DCDC2: variants seen among roughly 807,000 people sequenced by gnomAD.
DCDC2 encodes the protein doublecortin domain-containing protein 2.
In DCDC2, 40 loss-of-function variants were observed where a neutral mutation model predicts 50.2. The observed-to-expected ratio is 0.80, with a 90% CI of 0.62 to 1.04. DCDC2 has a LOEUF of 1.04. Ranked by LOEUF, DCDC2 falls within the 50% of genes least tolerant of loss-of-function variation. The pLI is 0.00. For missense variants in DCDC2, 570 were observed against 581.9 expected (o/e 0.98, Z 0.21); for synonymous variants, 234 against 210.6 (o/e 1.11, Z -0.96).
At chr6:24,200,731 G>A (rs546901113) in intron 8 of DCDC2, among the ~76,000 whole-genome samples, 15 of 152,028 alleles carry the variant, frequency 9.9e-5, no homozygotes, top group East Asian at 1.9e-4. Context: ...AAGACCCATC[G>A]GTGTGCTGTA....
rs200975214 is a variant in DCDC2 at position 24,205,613 on chromosome 6, T to C, written c.923-511A>G. 5.3e-5 allele frequency among the ~76,000 whole-genome samples: 8 copies of C among 152,292 alleles called. No individual in the cohort carries two copies. In the East Asian group the frequency reaches 1.3e-3, roughly 26 times the overall value. ...CAAATCATAGAGTTGACTTTCCATA[T>C]CTCACCAAAAAATCAGTATCATTTA... is the stretch of plus-strand genomic sequence containing the variant. On this transcript the variant is annotated intron_variant, in intron 7 of 9. Transcript: ENST00000378454.
At chr6:24,310,892 A>C (rs1759559611) in intron 2 of DCDC2, among the ~76,000 whole-genome samples, 1 of 151,900 alleles carries the variant, frequency 6.6e-6, no homozygotes, top group Non-Finnish European at 1.5e-5. Flanking sequence ...AGCTCTCCCC[A>C]CTCAAAATTA....
In DCDC2 at chr6:24,357,577, G is replaced by C. The variant is rs776221806; in HGVS notation, c.174C>G (p.Pro58=). The change falls in exon 1 of 10, where the codon CCC becomes CCG. Residue 58 remains proline, a synonymous_variant. Transcript: ENST00000378454. ...LKEVTGGVQA[P]FGAVRNIYTP... ...TGTAGATGTTCCTGACGGCCCCAAA[G>C]GGTGCCTGAACGCCGCCGGTCACCT... The C allele has an allele frequency of 1.9e-6, 3 of 1,613,338 alleles. No individual in the cohort carries two copies. The highest frequency in any genetic ancestry group is 2.5e-6 in the Non-Finnish European group (3 of 1,179,996).
rs793856 is a variant in DCDC2, at chr6:24,203,823, C to A, written c.1023+1179G>T. 7.7e-3 allele frequency among the ~76,000 whole-genome samples: 1,174 copies of A among 152,146 alleles called. 14 individuals carry two copies. The highest frequency in any genetic ancestry group is 0.026 in the African/African-American group (1,064 of 41,512). On this transcript the variant is annotated intron_variant, in intron 8 of 9. Coordinates refer to ENST00000378454, the MANE Select transcript of DCDC2 (RefSeq NM_016356.5). ...ACAAACAAACCCATCAAAAAGTGGGCAAAGGATATGAGCAGACACTTCTCA... is the reference window on the plus strand; with the variant it reads ...ACAAACAAACCCATCAAAAAGTGGGAAAAGGATATGAGCAGACACTTCTCA...
upstream of DCDC2, among the ~76,000 whole-genome samples, chr6:24,359,471 A>ATGTATATTTATATATACTATATAG (rs1760615418): frequency 1.5e-4 from 1 of 6,812 alleles, no homozygotes; most frequent in African/African-American, 3.3e-4. Flanking sequence ...ATACTATATA[A>ATGTATATTTATATATACTATATAG]TATATATTTT....
chr6:24,183,624 T>C (rs1426166402), intron 8 of DCDC2, among the ~76,000 whole-genome samples: 3 of 152,104 alleles, frequency 2.0e-5, no homozygotes, highest in Non-Finnish European at 2.9e-5. Flanking sequence ...ATAACATACA[T>C]GGTCATTGTG....
chr6:24,219,115 G>A lies in DCDC2; in HGVS notation c.923-14013C>T, dbSNP rs1244790996. ...GTGCAGTTGAATTAACTTTTATTTT[G>A]TTGTTATATTTTATATACTTCCAGA... On this transcript the variant is annotated intron_variant, in intron 7 of 9. Transcript: ENST00000378454. Among the ~76,000 whole-genome samples the A allele has an allele frequency of 2.0e-5, 3 of 151,958 alleles. No individual in the cohort carries two copies. The East Asian group carries it at 5.8e-4, about 29-fold the overall frequency.
chr6:24,217,536 A>G (rs1425320589), intron 7 of DCDC2, among the ~76,000 whole-genome samples: 1 of 152,210 alleles, frequency 6.6e-6, no homozygotes, highest in Non-Finnish European at 1.5e-5. Flanking sequence ...TACGGTGTAA[A>G]TGTGCAAATC....
chr6:24,325,410 T>C (rs368228478), intron 2 of DCDC2, among the ~76,000 whole-genome samples: 1 of 149,626 alleles, frequency 6.7e-6, no homozygotes, highest in Admixed American at 6.7e-5. Context: ...AAGAATAACC[T>C]AGATCTTGGC....
At chr6:24,284,192 C>G (rs1763541196) in intron 6 of DCDC2, among the ~76,000 whole-genome samples, 1 of 152,180 alleles carries the variant, frequency 6.6e-6, no homozygotes, top group Non-Finnish European at 1.5e-5. Context: ...ATGTCCGCCC[C>G]CACTGCGGCC....
chr6:24,378,967 A>C, the DCDC2 span, among the ~76,000 whole-genome samples: 1 of 151,226 alleles, frequency 6.6e-6, no homozygotes, highest in Admixed American at 6.6e-5. Flanking sequence ...AAAAAAAAAA[A>C]AAAAAAAAAA....
At chr6:24,212,492 C>G (rs1027123914) in intron 7 of DCDC2, among the ~76,000 whole-genome samples, 8 of 152,180 alleles carry the variant, frequency 5.3e-5, no homozygotes, top group African/African-American at 1.7e-4. Context: ...TACCACCAAC[C>G]CCAGACACCC....
At chr6:24,287,198 C>A (rs1184064377) in intron 6 of DCDC2, among the ~76,000 whole-genome samples, 1 of 152,204 alleles carries the variant, frequency 6.6e-6, no homozygotes, top group Non-Finnish European at 1.5e-5. Flanking sequence ...AGCCCCCACA[C>A]CAAAAAGGAC....
At chr6:24,248,352 G>C (rs915592231) in intron 7 of DCDC2, among the ~76,000 whole-genome samples, 1 of 152,092 alleles carries the variant, frequency 6.6e-6, no homozygotes, top group South Asian at 2.1e-4. Context: ...AAGTTACATG[G>C]TCTGAACCTC....
At chr6:24,359,496 A>T (rs1452102746), upstream of DCDC2, among the ~76,000 whole-genome samples, 4 of 91,166 alleles carry the variant, frequency 4.4e-5, no homozygotes, top group African/African-American at 9.0e-5. Flanking sequence ...ATAATATATT[A>T]TATATATTTT....
At chr6:24,365,481 AG>A in the DCDC2 span, among the ~76,000 whole-genome samples, 1 of 152,120 alleles carries the variant, frequency 6.6e-6, no homozygotes, top group Non-Finnish European at 1.5e-5. Context: ...TAGTAGAGAC[AG>A]GGTTTCACCA....
intron 8 of DCDC2, among the ~76,000 whole-genome samples, chr6:24,179,953 C>CAAA (rs56376644): frequency 0.029 from 2,440 of 85,346 alleles, 161 homozygotes; most frequent in Admixed American, 0.071. Context: ...GACTCCATCT[C>CAAA]AAAAAAAAAA....
intron 1 of DCDC2, among the ~76,000 whole-genome samples, chr6:24,354,267 C>A (rs962774530): frequency 6.6e-6 from 1 of 152,128 alleles, no homozygotes; most frequent in South Asian, 2.1e-4. Context: ...GTCAACTTCA[C>A]GTGTAATATC....
In DCDC2 at chr6:24,346,174, A is replaced by G. The variant is rs1048690731; in HGVS notation, c.348+7395T>C. Among the ~76,000 whole-genome samples the G allele has an allele frequency of 4.7e-5, 7 of 150,304 alleles. No individual in the cohort carries two copies. In the South Asian group the frequency reaches 1.5e-3, roughly 32 times the overall value. ...GTCTAAAAAAAAAAAAAAAAAATGT[A>G]TTTACTGCTGACCCTGAGAACATGG... On this transcript the variant is annotated intron_variant, in intron 2 of 9. Transcript: ENST00000378454.
Sources: gnomAD v4.1 joint callset for allele counts (sites outside exome capture counted in the v4.1 genomes callset) on GRCh38, gnomAD v4.1.1 for gene constraint, MANE v1.5 for transcripts, NCBI Gene and HGNC (gene_info 2026-07-23, HGNC 2026-07-21) for gene names.